ZDHHC11: variants seen among roughly 807,000 people sequenced by gnomAD.
ZDHHC11 encodes palmitoyltransferase ZDHHC11.
ZDHHC11 carries 44 observed loss-of-function variants against 51.3 expected under a neutral mutation model. The ratio of observed to expected loss-of-function variants is 0.86; its 90% confidence interval spans 0.67 to 1.10. The LOEUF is 1.10. Among genes scored for constraint, ZDHHC11 ranks in the 50% least tolerant of loss-of-function variants. The pLI, the probability that ZDHHC11 is intolerant of heterozygous loss-of-function variation, is 0.00. For missense variants in ZDHHC11, 400 were observed against 537.7 expected, an observed-to-expected ratio of 0.74 and a Z score of 2.53; for synonymous variants, 163 against 222.0, an observed-to-expected ratio of 0.73 and a Z score of 2.36.
At chr5:844,267 G>A (rs1244635821) in intron 3 of ZDHHC11, among the ~76,000 whole-genome samples, 44 of 152,376 alleles carry the variant, frequency 2.9e-4, no homozygotes, top group Admixed American at 2.7e-3. Flanking sequence ...CCAGCACACC[G>A]CCCGACAATT....
intron 10 of ZDHHC11, among the ~76,000 whole-genome samples, chr5:818,104 G>A (rs1450893408): frequency 2.6e-5 from 4 of 151,346 alleles, no homozygotes; most frequent in African/African-American, 4.8e-5. Context: ...GATGCTGAGC[G>A]GATCTTCTCT....
intron 10 of ZDHHC11, chr5:816,707 C>G: frequency 3.5e-6 from 2 of 576,838 alleles, no homozygotes; most frequent in Admixed American, 2.0e-5. Flanking sequence ...GGAATTCTGA[C>G]TATTTAGACC....
At chr5:815,578 T>A (rs1259654893) in intron 10 of ZDHHC11, among the ~76,000 whole-genome samples, 1 of 151,300 alleles carries the variant, frequency 6.6e-6, no homozygotes, top group Non-Finnish European at 1.5e-5. Flanking sequence ...TTAATTATAT[T>A]TTTTAGAGAC....
At chr5:829,898 C>T (rs1406094730) in intron 7 of ZDHHC11, among the ~76,000 whole-genome samples, 5 of 151,254 alleles carry the variant, frequency 3.3e-5, no homozygotes, top group African/African-American at 1.2e-4. Flanking sequence ...AATCAGAGAT[C>T]TCAATAGATG....
intron 11 of ZDHHC11, among the ~76,000 whole-genome samples, chr5:814,430 A>G (rs1406321291): frequency 6.6e-6 from 1 of 151,332 alleles, no homozygotes; most frequent in East Asian, 1.9e-4. Context: ...AAATGACAAG[A>G]TCTGACTCTC....
In ZDHHC11 at chr5:848,523, G is replaced by A. The variant is rs773063059; in HGVS notation, c.360C>T (p.His120=). 33 of 1,501,326 alleles carry A rather than the reference G, an allele frequency of 2.2e-5. No homozygotes were observed. In the African/African-American group the frequency reaches 2.9e-4, roughly 13 times the overall value. The allele number at this position is 1,501,326 out of a possible 1,614,324, so 93.0% of individuals were successfully genotyped here. ...GGTGGCAGAACTGATTCTGGATCAC[G>A]TGTGCATGTTTTGATCTGTCGAAGA... is the stretch of plus-strand genomic sequence containing the variant. ...MPLFDRSKHA[H]VIQNQFCHLC... Residue 120 remains histidine (H), a synonymous_variant, in exon 2 of 13, where the codon CAC becomes CAT. Transcript: ENST00000283441.
chr5:831,839 CT>C (rs1311034937), intron 7 of ZDHHC11, among the ~76,000 whole-genome samples: 1 of 149,600 alleles, frequency 6.7e-6, no homozygotes, highest in Non-Finnish European at 1.5e-5. Context: ...CACTTTTACA[CT>C]GCTAGTGGGA....
At chr5:847,444 C>A in intron 3 of ZDHHC11, 70 bp downstream of exon 3, 4 of 1,543,398 alleles carry the variant, frequency 2.6e-6, no homozygotes, top group African/African-American at 1.5e-5. Flanking sequence ...ATGACCCCTG[C>A]CCACAGACCC....
chr5:843,606 A>G lies in ZDHHC11; in HGVS notation c.622T>C (p.Tyr208His), dbSNP rs1745451035. The G allele has an allele frequency of 6.2e-7, 1 of 1,607,994 alleles. No homozygotes were observed. Among genetic ancestry groups the G allele is most frequent in the African/African-American group, 1.3e-5 (1 of 74,092 alleles). Residue 208 changes from tyrosine (Y) to histidine (H), a missense_variant, in exon 4 of 13, where the codon TAT becomes CAT. By Grantham distance (83) the Tyr-to-His change is moderately conservative. Coordinates refer to ENST00000283441, the MANE Select transcript of ZDHHC11 (RefSeq NM_024786.3). ...NPGVLRTDPR[Y>H]EDVKNMNTWL... Reference sequence around the variant, plus strand: ...GAGAGCGGCGGCCACGTACCTTCATACCTGGGGTCCGTGCGGAGCACCCCG... The same window carrying G: ...GAGAGCGGCGGCCACGTACCTTCATGCCTGGGGTCCGTGCGGAGCACCCCG...
chr5:816,689 T>C lies in ZDHHC11; in HGVS notation c.1147-1894A>G, dbSNP rs1198469290. On this transcript the variant is annotated intron_variant, in intron 10 of 12. Transcript: ENST00000283441. ...AGAGTCCAAGCCCGTTTTGGCTTTG[T>C]GATGATGGGAATTCTGACTATTTAG... 4 of 602,174 alleles carry C rather than the reference T, an allele frequency of 6.6e-6. No individual in the cohort carries two copies. The African/African-American group carries it at 7.5e-5, about 11-fold the overall frequency. 37.3% of individuals were successfully genotyped at this position (602,174 alleles called of 1,614,324 possible).
At position 805,907 on chromosome 5, in the gene ZDHHC11, G is replaced by A. The variant is rs550712898; in HGVS notation, c.1182-4743C>T. Reference sequence around the variant, plus strand: ...TGAGGAGCGAGGATGGGGGTGGGATGTGAGGTTAAGCACAAGGGTGGTAGC... The same window carrying A: ...TGAGGAGCGAGGATGGGGGTGGGATATGAGGTTAAGCACAAGGGTGGTAGC... On this transcript the variant is annotated intron_variant, in intron 11 of 12. Coordinates refer to ENST00000283441, the MANE Select transcript of ZDHHC11 (RefSeq NM_024786.3). 1.2e-4 allele frequency among the ~76,000 whole-genome samples: 18 copies of A among 151,276 alleles called. 1 individual carries two copies. In the South Asian group the frequency reaches 3.6e-3, roughly 30 times the overall value.
At chr5:836,377 T>C (rs1743852467) in intron 6 of ZDHHC11, among the ~76,000 whole-genome samples, 1 of 150,386 alleles carries the variant, frequency 6.6e-6, no homozygotes, top group Admixed American at 6.6e-5. Context: ...TTGGCCACAG[T>C]GCACATTCCT....
chr5:859,066 G>A (rs913651068), upstream of ZDHHC11, among the ~76,000 whole-genome samples: 1 of 152,090 alleles, frequency 6.6e-6, no homozygotes, highest in African/African-American at 2.4e-5. Flanking sequence ...AGGGGACAAG[G>A]GGGCATGAGG....
At chr5:817,951 G>A (rs1741036152) in intron 10 of ZDHHC11, among the ~76,000 whole-genome samples, 1 of 151,392 alleles carries the variant, frequency 6.6e-6, no homozygotes, top group African/African-American at 2.4e-5. Context: ...TCAGCACAGG[G>A]CTGTGCCACG....
At chr5:814,608 A>C (rs527283519) in intron 11 of ZDHHC11, among the ~76,000 whole-genome samples, 153 bp downstream of exon 11, 7 of 151,686 alleles carry the variant, frequency 4.6e-5, no homozygotes, top group African/African-American at 1.4e-4. Flanking sequence ...AAGCCACATG[A>C]ATGGCTATAA....
At position 823,175 on chromosome 5, in the gene ZDHHC11, C is replaced by CT. The variant is rs537061663; in HGVS notation, c.1024-1281dup. 4.4e-3 allele frequency among the ~76,000 whole-genome samples: 669 copies of CT among 151,030 alleles called. 2 individuals carry two copies. The highest frequency in any genetic ancestry group is 0.015 in the African/African-American group (631 of 40,984). ...TTTTGTGAAATAGTGTTTTTGGTATCTATCAAAGAAGAGTTTGCCTAACAC... is the reference window on the plus strand; with the variant it reads ...TTTTGTGAAATAGTGTTTTTGGTATCTTATCAAAGAAGAGTTTGCCTAACAC... On this transcript the variant is annotated intron_variant, in intron 8 of 12. Transcript: ENST00000283441.
At chr5:817,405 C>T (rs1260817002) in intron 10 of ZDHHC11, among the ~76,000 whole-genome samples, 3 of 151,458 alleles carry the variant, frequency 2.0e-5, no homozygotes, top group Non-Finnish European at 4.4e-5. Flanking sequence ...ATTCAGGACA[C>T]AACTCCTTCC....
At chr5:807,527 G>A (rs1739446743) in intron 11 of ZDHHC11, among the ~76,000 whole-genome samples, 1 of 151,408 alleles carries the variant, frequency 6.6e-6, no homozygotes, top group Non-Finnish European at 1.5e-5. Context: ...CACAGATCAA[G>A]GATGAATCTG....
rs1162338048 is a variant in ZDHHC11 at position 825,169 on chromosome 5, C to T, written c.1018G>A (p.Ala340Thr). ...CGCTGGTGACTGCAACTTACCCGTGCCGTCGAATCCCCATCCTGGTTTACT... is the reference window on the plus strand; with the variant it reads ...CGCTGGTGACTGCAACTTACCCGTGTCGTCGAATCCCCATCCTGGTTTACT... Reference protein sequence around the residue: ...TSVNQDGDSTAREGDEDPCPS... With the variant: ...TSVNQDGDSTTREGDEDPCPS... Residue 340 changes from alanine (A) to threonine (T), a missense_variant, in exon 8 of 13, where the codon GCA becomes ACA. By Grantham distance (58) the Ala-to-Thr change is moderately conservative (BLOSUM62 0). Coordinates refer to ENST00000283441, the MANE Select transcript of ZDHHC11 (RefSeq NM_024786.3). 6.2e-7 allele frequency: 1 copy of T among 1,611,702 alleles called. No homozygotes were observed. Among genetic ancestry groups the T allele is most frequent in the Admixed American group, 1.7e-5 (1 of 59,964 alleles).
Sources: allele counts gnomAD v4.1 joint callset (sites outside exome capture counted in the v4.1 genomes callset), GRCh38; gene constraint gnomAD v4.1.1; transcripts MANE v1.5; gene names NCBI Gene and HGNC (gene_info 2026-07-23, HGNC 2026-07-21).